The following SLC20A1 variants were observed in gnomAD, a reference collection of about 807,000 sequenced individuals.
SLC20A1 encodes the protein solute carrier family 20 member 1.
A neutral mutation model predicts 62.7 loss-of-function variants in SLC20A1; 28 were observed. That is an observed-to-expected ratio of 0.45 (90% CI 0.33 to 0.61). The LOEUF (loss-of-function observed/expected upper bound fraction) is 0.61, where lower values mean the gene tolerates loss of function less well. Among genes scored for constraint, SLC20A1 ranks in the 20% least tolerant of loss-of-function variants. The pLI is 0.02. For synonymous variants in SLC20A1, 305 were observed against 302.9 expected (o/e 1.01, Z -0.07); for missense variants, 673 against 838.6 (o/e 0.80, Z 2.44).
At chr2:112,662,575 G>A (rs561666859) in intron 10 of SLC20A1, among the ~76,000 whole-genome samples, 65 of 152,194 alleles carry the variant, frequency 4.3e-4, no homozygotes, top group African/African-American at 1.4e-3. Context: ...GCGAGACTCC[G>A]TCTCAAAAAA....
rs1394141912 is a variant in SLC20A1, at chr2:112,663,256, T to A, written c.*231T>A. 1.7e-6 allele frequency: 1 copy of A among 601,710 alleles called. No individual in the cohort carries two copies. Among genetic ancestry groups the A allele is most frequent in the Non-Finnish European group, 3.2e-6 (1 of 313,518 alleles). 37.3% of individuals were successfully genotyped at this position (601,710 alleles called of 1,614,324 possible). A position where few individuals can be genotyped will look rare whatever the true frequency, so the allele number is the denominator to read the frequency against. Reference sequence around the variant, plus strand: ...CCACTGGCTCCTGCTGAGGTCCCCTTTCCTTCTGGGCTGTGAATTCCTGTA... The same window carrying A: ...CCACTGGCTCCTGCTGAGGTCCCCTATCCTTCTGGGCTGTGAATTCCTGTA... On this transcript the variant is annotated 3_prime_UTR_variant, in exon 11 of 11. Transcript: ENST00000272542.
At chr2:112,652,355 C>A (rs1219058089) in intron 4 of SLC20A1, 1 of 250,902 alleles carries the variant, frequency 4.0e-6, no homozygotes, top group Non-Finnish European at 7.6e-6. Context: ...ACATCTCTTA[C>A]AAACGTAGAG....
chr2:112,654,414 CTT>C (rs1224005365), intron 5 of SLC20A1, among the ~76,000 whole-genome samples: 2 of 152,134 alleles, frequency 1.3e-5, no homozygotes, highest in Middle Eastern at 3.2e-3. Context: ...AAAACAGAAA[CTT>C]AGATATTTTC....
chr2:112,662,582 AAAAT>A (rs1419689465), intron 10 of SLC20A1, among the ~76,000 whole-genome samples: 11 of 152,172 alleles, frequency 7.2e-5, no homozygotes, highest in South Asian at 2.1e-4. Context: ...TCCGTCTCAA[AAAAT>A]AAATAAATAA....
At chr2:112,654,175 A>G (rs895032970) in intron 5 of SLC20A1, among the ~76,000 whole-genome samples, 2 of 152,184 alleles carry the variant, frequency 1.3e-5, no homozygotes, top group Admixed American at 6.6e-5. Context: ...TAATCTTGCT[A>G]ATTAATTCTT....
chr2:112,659,003 C>T lies in SLC20A1; in HGVS notation c.957C>T (p.Phe319=), dbSNP rs1686676299. 1 of 1,614,174 alleles carries T rather than the reference C, an allele frequency of 6.2e-7. No homozygotes were observed. The highest frequency in any genetic ancestry group is 2.2e-5 in the East Asian group (1 of 44,886). ...QAVVEERTVS[F]KLGDLEEAPE... is the part of the protein sequence containing the mutation. Reference sequence around the variant, plus strand: ...TGGTGGAGGAGAGAACAGTCTCATTCAAACTTGGAGATTTGGAGGAAGCTC... The same window carrying T: ...TGGTGGAGGAGAGAACAGTCTCATTTAAACTTGGAGATTTGGAGGAAGCTC... Residue 319 remains phenylalanine, a synonymous_variant, in exon 7 of 11, where the codon TTC becomes TTT. Coordinates refer to ENST00000272542, the MANE Select transcript of SLC20A1 (RefSeq NM_005415.5).
chr2:112,647,763 ACCTTTCATGGAGCACAC>A, intron 4 of SLC20A1, 25 bp downstream of exon 4: 1 of 1,558,374 alleles, frequency 6.4e-7, no homozygotes, highest in Non-Finnish European at 8.9e-7. Context: ...CCGTATGAAG[ACCTTTCATGGAGCACAC>A]CCAATCGATT....
chr2:112,654,857 C>T (rs933561973), intron 5 of SLC20A1, among the ~76,000 whole-genome samples: 5 of 137,060 alleles, frequency 3.6e-5, no homozygotes, highest in African/African-American at 1.4e-4. Context: ...GATCGTGCCA[C>T]TGTACTCCAG....
chr2:112,653,975 A>G (rs1686515951), intron 5 of SLC20A1, among the ~76,000 whole-genome samples: 1 of 151,954 alleles, frequency 6.6e-6, no homozygotes, highest in Admixed American at 6.6e-5. Context: ...TATTTTTAGT[A>G]GAGACGGGGT....
intron 6 of SLC20A1, among the ~76,000 whole-genome samples, chr2:112,657,995 C>T (rs1686642609): frequency 6.6e-6 from 1 of 152,138 alleles, no homozygotes; most frequent in East Asian, 1.9e-4. Flanking sequence ...CGTTTCGAAG[C>T]TGAGGGATGC....
At chr2:112,661,269 A>G in intron 10 of SLC20A1, 43 bp downstream of exon 10, 1 of 1,465,424 alleles carries the variant, frequency 6.8e-7, no homozygotes, top group Non-Finnish European at 9.6e-7. Flanking sequence ...GGTTCTTCTA[A>G]TATGTAGGGT....
rs1558689962 is a variant in SLC20A1 at position 112,648,158 on chromosome 2, A to T, written c.561+420A>T. On this transcript the variant is annotated intron_variant, in intron 4 of 10. Coordinates refer to ENST00000272542, the MANE Select transcript of SLC20A1 (RefSeq NM_005415.5). ...AGTTAAATGGGTCTCTGCCGTGCTG[A>T]TTATCATAACCAGTTTATAAGCTTC... is the stretch of plus-strand genomic sequence containing the variant. 4.6e-5 allele frequency among the ~76,000 whole-genome samples: 7 copies of T among 152,202 alleles called. No individual in the cohort carries two copies. The South Asian group carries it at 1.5e-3, about 32-fold the overall frequency.
In SLC20A1 at chr2:112,655,179, G is replaced by A. The variant is rs138491510; in HGVS notation, c.659-1943G>A. 2.7e-3 allele frequency among the ~76,000 whole-genome samples: 412 copies of A among 152,088 alleles called. 3 individuals carry two copies. Among genetic ancestry groups the A allele is most frequent in the African/African-American group, 9.7e-3 (403 of 41,496 alleles). On this transcript the variant is annotated intron_variant, in intron 5 of 10. Transcript: ENST00000272542. ...ATACGTGGTTTCACCGTGTTGGTCA[G>A]TCTGGTCTTGAACTCCCAACCTCAG...
chr2:112,649,786 T>C (rs1055108440), intron 4 of SLC20A1, among the ~76,000 whole-genome samples: 1 of 152,222 alleles, frequency 6.6e-6, no homozygotes, highest in Non-Finnish European at 1.5e-5. Flanking sequence ...GTTAGAAATA[T>C]ATTTAGGATG....
chr2:112,653,836 A>G (rs1214289295), intron 5 of SLC20A1, among the ~76,000 whole-genome samples: 5 of 152,154 alleles, frequency 3.3e-5, no homozygotes. Flanking sequence ...CTTGTTGCCC[A>G]GGCTGGAGTG....
In SLC20A1 at chr2:112,656,188, C is replaced by CT. The variant is rs367841545; in HGVS notation, c.659-909dup. On this transcript the variant is annotated intron_variant, in intron 5 of 10. Transcript: ENST00000272542. ...AACTTTGTGTGTGAGAAAGACAAAACTTTTTTTTTTTTTTTTTTTTTTTTT... is the reference window on the plus strand; with the variant it reads ...AACTTTGTGTGTGAGAAAGACAAAACTTTTTTTTTTTTTTTTTTTTTTTTTT... Among the ~76,000 whole-genome samples, 845 of 90,566 alleles carry CT rather than the reference C, an allele frequency of 9.3e-3. 20 individuals carry two copies. The highest frequency in any genetic ancestry group is 0.024 in the African/African-American group (563 of 23,300). 59.4% of individuals were successfully genotyped at this position (90,566 alleles called of 152,430 possible).
rs1686808697 is a variant in SLC20A1 at position 112,663,617 on chromosome 2, T to G, written c.*592T>G. On this transcript the variant is annotated 3_prime_UTR_variant, in exon 11 of 11. Transcript: ENST00000272542. The stretch of plus-strand genomic sequence containing the variant: ...AGTGAAAATTTAAATTAGTAACTTT[T>G]TTGCAAGCAGTTTATTGACTGTTAT... The G allele has an allele frequency of 6.4e-6, 1 of 155,972 alleles. No individual in the cohort carries two copies. 9.7% of individuals were successfully genotyped at this position (155,972 alleles called of 1,614,324 possible). A position where few individuals can be genotyped will look rare whatever the true frequency, so the allele number is the denominator to read the frequency against.
rs1371924743 is a variant in SLC20A1, at chr2:112,650,160, T to C, written c.561+2422T>C. ...CAGGGAATACTTAATTGGGCTATGC[T>C]ATACAGGATAATAAATACACAGGCT... On this transcript the variant is annotated intron_variant, in intron 4 of 10. Transcript: ENST00000272542. Among the ~76,000 whole-genome samples, 5 of 152,232 alleles carry C rather than the reference T, an allele frequency of 3.3e-5. No individual in the cohort carries two copies. The East Asian group carries it at 7.7e-4, about 23-fold the overall frequency.
chr2:112,652,686 T>C lies in SLC20A1; in HGVS notation c.562-16T>C. The C allele has an allele frequency of 1.9e-6, 3 of 1,601,654 alleles. No homozygotes were observed. The highest frequency in any genetic ancestry group is 2.6e-6 in the Non-Finnish European group (3 of 1,168,692). ...TTTATACCTTTTAAGATATTGATCT[T>C]AATGATGTTTTACAGGCAGATCCAG... On this transcript the variant is annotated splice_polypyrimidine_tract_variant and intron_variant, in intron 4 of 10. Transcript: ENST00000272542.
Sources: allele counts gnomAD v4.1 joint callset (sites outside exome capture counted in the v4.1 genomes callset), GRCh38; gene constraint gnomAD v4.1.1; transcripts MANE v1.5; gene names NCBI Gene and HGNC (gene_info 2026-07-23, HGNC 2026-07-21).